The following AAMDC variants were observed in gnomAD, a reference collection of about 807,000 sequenced individuals.
The protein encoded by AAMDC is adipogenesis associated Mth938 domain containing.
In AAMDC, 16 loss-of-function variants were observed where a neutral mutation model predicts 15.5. That is an observed-to-expected ratio of 1.03 (90% CI 0.70 to 1.57). The LOEUF is 1.57. Ranked by LOEUF, AAMDC falls within the 40% of genes most tolerant of loss-of-function variation. The pLI, the probability that AAMDC is intolerant of heterozygous loss-of-function variation, is 0.00. For synonymous variants in AAMDC, 51 were observed against 51.6 expected (o/e 0.99, Z 0.05); for missense variants, 141 against 144.9 (o/e 0.97, Z 0.14).
chr11:77,839,519 C>T (rs1220653630), intron 1 of AAMDC, among the ~76,000 whole-genome samples: 1 of 152,150 alleles, frequency 6.6e-6, no homozygotes, highest in Non-Finnish European at 1.5e-5. Flanking sequence ...GAAATGCACA[C>T]ATATATTCAT....
chr11:77,831,245 C>T (rs927822264), intron 1 of AAMDC, among the ~76,000 whole-genome samples: 6 of 152,162 alleles, frequency 3.9e-5, no homozygotes, highest in Non-Finnish European at 2.9e-5. Flanking sequence ...CTCATCACTG[C>T]TAGTGGAATT....
intron 5 of AAMDC, among the ~76,000 whole-genome samples, chr11:77,896,679 C>A: frequency 6.7e-6 from 1 of 148,378 alleles, no homozygotes; most frequent in Non-Finnish European, 1.5e-5. Context: ...AGAATTTACT[C>A]AGAATACAGA....
chr11:77,854,693 C>T (rs1332799943), intron 2 of AAMDC, among the ~76,000 whole-genome samples: 7 of 152,124 alleles, frequency 4.6e-5, no homozygotes, highest in South Asian at 2.1e-4. Flanking sequence ...TGAGTGCCTG[C>T]GGGTTTTCCA....
At chr11:77,826,584 G>C (rs929966906) in intron 1 of AAMDC, among the ~76,000 whole-genome samples, 9 of 152,144 alleles carry the variant, frequency 5.9e-5, no homozygotes, top group African/African-American at 2.2e-4. Context: ...TTGCAGCATA[G>C]TCGCTACCCT....
chr11:77,891,564 G>C, intron 5 of AAMDC: 1 of 1,553,106 alleles, frequency 6.4e-7, no homozygotes, highest in Admixed American at 1.8e-5. Flanking sequence ...GGGCATGTGG[G>C]AGCCACTCAG....
intron 2 of AAMDC, among the ~76,000 whole-genome samples, chr11:77,844,329 CA>C (rs1386748337): frequency 3.9e-5 from 6 of 152,048 alleles, no homozygotes; most frequent in African/African-American, 1.4e-4. Flanking sequence ...ATATTAAGTC[CA>C]TTGCAGCAAA....
At chr11:77,863,799 G>A (rs1950989177) in intron 2 of AAMDC, among the ~76,000 whole-genome samples, 2 of 152,166 alleles carry the variant, frequency 1.3e-5, no homozygotes, top group Admixed American at 6.5e-5. Context: ...ACAGGTGTGA[G>A]CCTCTCTGCC....
rs200517439 is a variant in AAMDC at position 77,894,254 on chromosome 11, A to G, written c.329-6317A>G. 7.8e-6 allele frequency: 9 copies of G among 1,157,090 alleles called. No homozygotes were observed. The African/African-American group carries it at 1.2e-4, about 16-fold the overall frequency. 71.7% of individuals were successfully genotyped at this position (1,157,090 alleles called of 1,614,324 possible). ...GCAAGTGCTATACTCCATGTAACCA[A>G]GATTTAATAAGCCAGAAGAGTTATA... is the stretch of plus-strand genomic sequence containing the variant. On this transcript the variant is annotated intron_variant, in intron 5 of 5. Transcript: ENST00000304716.
chr11:77,889,916 C>T (rs1374805822), intron 5 of AAMDC, among the ~76,000 whole-genome samples: 3 of 152,142 alleles, frequency 2.0e-5, no homozygotes, highest in South Asian at 2.1e-4. Context: ...ATCTCCTTTA[C>T]GCTCAGGTGA....
intron 2 of AAMDC, chr11:77,869,312 CTTTTTTT>C (rs1209578429): frequency 7.9e-6 from 1 of 126,850 alleles, no homozygotes; most frequent in East Asian, 2.2e-4. Context: ...ATCTCTTTTT[CTTTTTTT>C]TTTTTTTTTT....
chr11:77,865,179 T>C (rs574505889), intron 2 of AAMDC, among the ~76,000 whole-genome samples: 2 of 152,278 alleles, frequency 1.3e-5, no homozygotes, highest in East Asian at 1.9e-4. Flanking sequence ...TAACTAGTCA[T>C]GGTTTAGTTT....
intron 2 of AAMDC, among the ~76,000 whole-genome samples, chr11:77,858,302 CTTTTT>C (rs71473358): frequency 5.3e-3 from 367 of 69,348 alleles, no homozygotes; most frequent in Admixed American, 8.9e-3. Context: ...TTAAGCAATT[CTTTTT>C]TTTTTTTTTT....
chr11:77,903,402 A>G, downstream of AAMDC: 1 of 1,604,928 alleles, frequency 6.2e-7, no homozygotes, highest in South Asian at 1.1e-5. Context: ...TGCTTCAAAT[A>G]CAAAGGGGCA....
chr11:77,876,994 G>A (rs1015397745), downstream of AAMDC: 1 of 703,098 alleles, frequency 1.4e-6, no homozygotes. Flanking sequence ...TCAGGGCTGT[G>A]GTACAATTCC....
intron 5 of AAMDC, among the ~76,000 whole-genome samples, chr11:77,883,313 GCTTACAGGCTTGAAATGTAATCT>G (rs1276078578): frequency 1.3e-5 from 2 of 152,018 alleles, no homozygotes; most frequent in African/African-American, 4.8e-5. Context: ...TTTAAAGCAG[GCTTACAGGCTTGAAATGTAATCT>G]CCTTTGTACT....
chr11:77,841,585 C>T (rs147675475), intron 1 of AAMDC, among the ~76,000 whole-genome samples: 1 of 152,224 alleles, frequency 6.6e-6, no homozygotes, highest in East Asian at 1.9e-4. Context: ...TCTGCAAGGC[C>T]CTCTTGAACC....
At chr11:77,877,735 A>G (rs976248113) in intron 5 of AAMDC, among the ~76,000 whole-genome samples, 1 of 151,320 alleles carries the variant, frequency 6.6e-6, no homozygotes, top group African/African-American at 2.4e-5. Context: ...ACTGACTGTT[A>G]TATCACACTT....
intron 1 of AAMDC, among the ~76,000 whole-genome samples, chr11:77,825,745 G>A (rs1313350198): frequency 3.3e-5 from 5 of 150,576 alleles, no homozygotes; most frequent in Non-Finnish European, 5.9e-5. Flanking sequence ...TGGCTGGAGT[G>A]CAGTGGCACG....
At chr11:77,829,108 TAACTA>T (rs1314961315) in intron 1 of AAMDC, among the ~76,000 whole-genome samples, 1 of 152,178 alleles carries the variant, frequency 6.6e-6, no homozygotes, top group Non-Finnish European at 1.5e-5. Flanking sequence ...AGGAAGGAGT[TAACTA>T]AAGTTAAACA....
Sources: allele counts gnomAD v4.1 joint callset (sites outside exome capture counted in the v4.1 genomes callset), GRCh38; gene constraint gnomAD v4.1.1; transcripts MANE v1.5; gene names NCBI Gene and HGNC (gene_info 2026-07-23, HGNC 2026-07-21).